Variants in FGF18 observed in about 807,000 individuals in gnomAD.
FGF18 encodes the protein fibroblast growth factor 18.
Under a neutral mutation model 23.0 loss-of-function variants are expected in FGF18, and 5 were observed. The observed-to-expected ratio is 0.22, with a 90% CI of 0.11 to 0.46. FGF18 has a LOEUF of 0.46. Ranked by LOEUF, FGF18 falls within the 20% of genes least tolerant of loss-of-function variation. The pLI, the probability that FGF18 is intolerant of heterozygous loss-of-function variation, is 0.99. For synonymous variants in FGF18, 117 were observed against 118.9 expected, an observed-to-expected ratio of 0.98 and a Z score of 0.10; for missense variants, 180 against 291.6, an observed-to-expected ratio of 0.62 and a Z score of 2.79.
At chr5:171,443,370 A>C (rs902843689) in intron 3 of FGF18, among the ~76,000 whole-genome samples, 2 of 152,140 alleles carry the variant, frequency 1.3e-5, no homozygotes, top group African/African-American at 4.8e-5. Context: ...ACCTCAGGTG[A>C]TGTGCCCACC....
chr5:171,444,069 C>T (rs1162358922), intron 3 of FGF18, among the ~76,000 whole-genome samples: 2 of 144,012 alleles, frequency 1.4e-5, no homozygotes, highest in African/African-American at 2.6e-5. Flanking sequence ...TCCCATCTCC[C>T]GGTATCAAAG....
Position 171,456,889 on chromosome 5 carries a change from A to G in FGF18, c.*84A>G. ...CATCAGAGGAATATTTTTACATGAA[A>G]AATAAGGAAGAAGCTCTATTTTTGT... On this transcript the variant is annotated 3_prime_UTR_variant, in exon 5 of 5. Coordinates refer to ENST00000274625, the MANE Select transcript of FGF18 (RefSeq NM_003862.3). The surrounding 1 kb of genome is among the most constrained non-coding windows in gnomAD (Gnocchi z 6.1). 7 of 1,470,650 alleles carry G rather than the reference A, an allele frequency of 4.8e-6. No homozygotes were observed. The highest frequency in any genetic ancestry group is 6.4e-6 in the Non-Finnish European group (7 of 1,096,456). The allele number at this position is 1,470,650 out of a possible 1,614,324, so 91.1% of individuals were successfully genotyped here.
At chr5:171,421,162 A>C (rs1581267914) in intron 2 of FGF18, among the ~76,000 whole-genome samples, 1 of 152,246 alleles carries the variant, frequency 6.6e-6, no homozygotes, top group East Asian at 1.9e-4. Flanking sequence ...TTACTTCAGC[A>C]GCTTTCAGAC....
At chr5:171,420,314 G>A in intron 1 of FGF18, 83 bp downstream of exon 1, 1 of 1,607,262 alleles carries the variant, frequency 6.2e-7, no homozygotes, top group Non-Finnish European at 8.5e-7. Flanking sequence ...CTGCCCGCCC[G>A]TCGGTTCACC....
intron 2 of FGF18, among the ~76,000 whole-genome samples, chr5:171,432,047 T>C (rs1772189207): frequency 6.6e-6 from 1 of 151,982 alleles, no homozygotes; most frequent in African/African-American, 2.4e-5. Flanking sequence ...AGACTCAGTC[T>C]CAAAAAAGAA....
At chr5:171,435,226 A>G (rs1300724838) in intron 2 of FGF18, among the ~76,000 whole-genome samples, 1 of 152,040 alleles carries the variant, frequency 6.6e-6, no homozygotes, top group Non-Finnish European at 1.5e-5. Flanking sequence ...TCCTTCACTG[A>G]AGTGTGATGG....
rs1581273759 is a variant in FGF18, at chr5:171,436,007, G to T, written c.70-86G>T. 1 of 1,139,922 alleles carries T rather than the reference G, an allele frequency of 8.8e-7. No individual in the cohort carries two copies. The highest frequency in any genetic ancestry group is 1.2e-6 in the Non-Finnish European group (1 of 852,204). 70.6% of individuals were successfully genotyped at this position (1,139,922 alleles called of 1,614,324 possible). A position where few individuals can be genotyped will look rare whatever the true frequency, so the allele number is the denominator to read the frequency against. ...TCAGAGCCGGTGTAGAGAAGCCCTT[G>T]GTCTTTGTGGTGGACGTGGCTGGCT... is the stretch of plus-strand genomic sequence containing the variant. On this transcript the variant is annotated intron_variant, in intron 2 of 4. Coordinates refer to ENST00000274625, the MANE Select transcript of FGF18 (RefSeq NM_003862.3). This position sits in a 1 kb window ranked among gnomAD's most constrained non-coding sequence, Gnocchi z 4.4.
chr5:171,451,003 C>T lies in FGF18; in HGVS notation c.357+1750C>T, dbSNP rs1772498203. ...CGTGCTGTTCCCGGCATCTTGACCC[C>T]AGGAGGGCTGCGCGGGGGTCAAAAG... On this transcript the variant is annotated intron_variant, in intron 4 of 4. Coordinates refer to ENST00000274625, the MANE Select transcript of FGF18 (RefSeq NM_003862.3). The surrounding 1 kb of genome is among the most constrained non-coding windows in gnomAD (Gnocchi z 4.5). Among the ~76,000 whole-genome samples the T allele has an allele frequency of 6.6e-6, 1 of 152,088 alleles. No individual in the cohort carries two copies. The highest frequency in any genetic ancestry group is 6.5e-5 in the Admixed American group (1 of 15,280).
chr5:171,444,746 A>G (rs928286705), intron 3 of FGF18, among the ~76,000 whole-genome samples: 1 of 152,162 alleles, frequency 6.6e-6, no homozygotes, highest in Non-Finnish European at 1.5e-5. Context: ...TGACTCAGGC[A>G]AGCCACTTCA....
Position 171,435,030 on chromosome 5 carries a change from G to A in FGF18, c.70-1063G>A, listed in dbSNP as rs576151304. Reference sequence around the variant, plus strand: ...TTAGAATGTAAGGATCTGAGAAAGAGCATCAAAGCAGAGGGAAGAAGAAGT... The same window carrying A: ...TTAGAATGTAAGGATCTGAGAAAGAACATCAAAGCAGAGGGAAGAAGAAGT... On this transcript the variant is annotated intron_variant, in intron 2 of 4. Transcript: ENST00000274625. Among the ~76,000 whole-genome samples, 55 of 152,302 alleles carry A rather than the reference G, an allele frequency of 3.6e-4. No homozygotes were observed. The South Asian group carries it at 5.8e-3, about 16-fold the overall frequency.
chr5:171,422,566 A>G (rs1446687839), intron 2 of FGF18, among the ~76,000 whole-genome samples: 4 of 152,168 alleles, frequency 2.6e-5, no homozygotes, highest in Non-Finnish European at 5.9e-5. Context: ...AGATAAAGAA[A>G]TGTTATCCTG....
Position 171,436,553 on chromosome 5 carries a change from T to C in FGF18, c.250+280T>C, listed in dbSNP as rs1029195060. On this transcript the variant is annotated intron_variant, in intron 3 of 4. Transcript: ENST00000274625. The surrounding 1 kb of genome is among the most constrained non-coding windows in gnomAD (Gnocchi z 4.4). ...TTTGCTGTGGTATCAGTGGCTTGCC[T>C]GGGATGGCCTAAAGCAGGTGGCTGT... Among the ~76,000 whole-genome samples the C allele has an allele frequency of 6.6e-6, 1 of 152,232 alleles. No individual in the cohort carries two copies. Among genetic ancestry groups the C allele is most frequent in the Non-Finnish European group, 1.5e-5 (1 of 68,046 alleles).
intron 3 of FGF18, among the ~76,000 whole-genome samples, chr5:171,445,645 C>A (rs1367869595): frequency 6.6e-6 from 1 of 152,110 alleles, no homozygotes; most frequent in Admixed American, 6.5e-5. Flanking sequence ...GGATTACAGG[C>A]ATGAGCCACA....
chr5:171,420,208 A>G lies in FGF18; in HGVS notation c.9A>G (p.Ser3=). 2 of 1,554,184 alleles carry G rather than the reference A, an allele frequency of 1.3e-6. No individual in the cohort carries two copies. Among genetic ancestry groups the G allele is most frequent in the Non-Finnish European group, 1.7e-6 (2 of 1,154,080 alleles). Residue 3 remains serine, a synonymous_variant, in exon 1 of 5, where the codon TCA becomes TCG. Coordinates refer to ENST00000274625, the MANE Select transcript of FGF18 (RefSeq NM_003862.3). MY[S]APSACTCLCL... ...CTCCCTCCCGCCCAGCGATGTATTC[A>G]GCGCCCTCCGCCTGCACTTGCCTGT...
rs1344229517 is a variant in FGF18 at position 171,434,345 on chromosome 5, A to G, written c.70-1748A>G. On this transcript the variant is annotated intron_variant, in intron 2 of 4. Coordinates refer to ENST00000274625, the MANE Select transcript of FGF18 (RefSeq NM_003862.3). This position sits in a 1 kb window ranked among gnomAD's most constrained non-coding sequence, Gnocchi z 4.6. ...GCTGACATACCTGTGGGCCCAGTCC[A>G]GGATCGGGAGATACATGCAGGTCAG... Among the ~76,000 whole-genome samples the G allele has an allele frequency of 1.3e-5, 2 of 152,246 alleles. No homozygotes were observed. Among genetic ancestry groups the G allele is most frequent in the Non-Finnish European group, 2.9e-5 (2 of 68,034 alleles).
chr5:171,443,532 T>TTTTTTTTTTTA (rs869156904), intron 3 of FGF18, among the ~76,000 whole-genome samples: 1 of 106,890 alleles, frequency 9.4e-6, no homozygotes, highest in Admixed American at 9.6e-5. Flanking sequence ...TTTTTTTTTT[T>TTTTTTTTTTTA]AGCAGAGACA....
In FGF18 at chr5:171,454,768, G is replaced by A. The variant is rs561023508; in HGVS notation, c.358-1771G>A. Among the ~76,000 whole-genome samples, 6 of 152,348 alleles carry A rather than the reference G, an allele frequency of 3.9e-5. No homozygotes were observed. The East Asian group carries it at 7.7e-4, about 20-fold the overall frequency. On this transcript the variant is annotated intron_variant, in intron 4 of 4. Transcript: ENST00000274625. ...GGGCTTCCAGCTTGGCTGGGCATCC[G>A]TCCGTAACGAGGAGTGGGCCCGGCC...
chr5:171,430,487 C>A (rs1468516465), intron 2 of FGF18, among the ~76,000 whole-genome samples: 1 of 151,022 alleles, frequency 6.6e-6, no homozygotes, highest in Non-Finnish European at 1.5e-5. Context: ...AGAAACAAAA[C>A]TAAACTAAAG....
intron 2 of FGF18, among the ~76,000 whole-genome samples, chr5:171,424,657 T>G (rs1055525178): frequency 6.6e-6 from 1 of 152,276 alleles, no homozygotes; most frequent in Admixed American, 6.5e-5. Context: ...TCTCTTTGGA[T>G]TCTGGTATAA....
Sources: gnomAD v4.1 joint callset for allele counts (sites outside exome capture counted in the v4.1 genomes callset) on GRCh38, gnomAD v4.1.1 for gene constraint, Gnocchi (gnomAD v3.1) non-coding constraint, MANE v1.5 for transcripts, NCBI Gene and HGNC (gene_info 2026-07-23, HGNC 2026-07-21) for gene names.